RHD: variants seen among roughly 807,000 people sequenced by gnomAD.
RHD encodes the protein blood group Rh(D) polypeptide.
Under a neutral mutation model 45.5 loss-of-function variants are expected in RHD, and 16 were observed. The ratio of observed to expected loss-of-function variants is 0.35; its 90% CI spans 0.24 to 0.53. The LOEUF (loss-of-function observed/expected upper bound fraction) is 0.53, where lower values mean the gene tolerates loss of function less well. Ranked by LOEUF, RHD falls within the 20% of genes least tolerant of loss-of-function variation. The pLI, the probability that RHD is intolerant of heterozygous loss-of-function variation, is 0.92. For synonymous variants in RHD, 131 were observed against 217.5 expected, an observed-to-expected ratio of 0.60 and a Z score of 3.50; for missense variants, 306 against 532.0, an observed-to-expected ratio of 0.58 and a Z score of 4.18.
At chr1:25,306,435 G>A (rs532426292) in intron 6 of RHD, among the ~76,000 whole-genome samples, 161 bp from the exon 7 acceptor site, 12 of 131,742 alleles carry the variant, frequency 9.1e-5, no homozygotes, top group Admixed American at 2.2e-4. Flanking sequence ...CAAACTCCCC[G>A]ATGATGTGAG....
rs1644745451 is a variant in RHD at position 25,322,174 on chromosome 1, G to C, written c.1227+212G>C. On this transcript the variant is annotated intron_variant, in intron 9 of 9. Coordinates refer to ENST00000328664, the MANE Select transcript of RHD (RefSeq NM_016124.6). Reference sequence around the variant, plus strand: ...AGGTGGTAAAGGTCACCATTTCCCTGATACCTCAAATTCATTCAGAGTCAG... The same window carrying C: ...AGGTGGTAAAGGTCACCATTTCCCTCATACCTCAAATTCATTCAGAGTCAG... Among the ~76,000 whole-genome samples the C allele has an allele frequency of 1.5e-5, 2 of 131,470 alleles. 1 individual carries two copies. The allele number at this position is 131,470 out of a possible 152,430, so 86.2% of individuals were successfully genotyped here. A position where few individuals can be genotyped will look rare whatever the true frequency, so the allele number is the denominator to read the frequency against.
At chr1:25,323,467 T>G (rs1416751035) in intron 9 of RHD, among the ~76,000 whole-genome samples, 10 of 120,604 alleles carry the variant, frequency 8.3e-5, no homozygotes, top group African/African-American at 2.9e-4. Flanking sequence ...TTTCTGTAAT[T>G]TTTTTGTTTG....
At position 25,303,615 on chromosome 1, in the gene RHD, G is replaced by A. The variant is rs1293468795; in HGVS notation, c.939+156G>A. On this transcript the variant is annotated intron_variant, in intron 6 of 9. Coordinates refer to ENST00000328664, the MANE Select transcript of RHD (RefSeq NM_016124.6). ...CCTAGTGAGGGATCCATCCTGGCTC[G>A]GTGGCGCATTTGTTAAGATGCTCGG... Among the ~76,000 whole-genome samples the A allele has an allele frequency of 2.6e-4, 34 of 131,150 alleles. 5 individuals are homozygous for A. The highest frequency in any genetic ancestry group is 7.6e-4 in the African/African-American group (29 of 38,068). 86.0% of individuals were successfully genotyped at this position (131,150 alleles called of 152,430 possible). A position where few individuals can be genotyped will look rare whatever the true frequency, so the allele number is the denominator to read the frequency against.
chr1:25,312,523 T>C lies in RHD; in HGVS notation c.1074-4477T>C, dbSNP rs1192004633. ...GATTTGGGAGGTTGAGGTGGGAGGATTGCTTGAGCCCAGGAGCTCAAGACC... is the reference window on the plus strand; with the variant it reads ...GATTTGGGAGGTTGAGGTGGGAGGACTGCTTGAGCCCAGGAGCTCAAGACC... On this transcript the variant is annotated intron_variant, in intron 7 of 9. Transcript: ENST00000328664. Among the ~76,000 whole-genome samples, 6 of 130,514 alleles carry C rather than the reference T, an allele frequency of 4.6e-5. 1 individual carries two copies. Among genetic ancestry groups the C allele is most frequent in the African/African-American group, 1.3e-4 (5 of 38,242 alleles). The allele number at this position is 130,514 out of a possible 152,430, so 85.6% of individuals were successfully genotyped here.
chr1:25,312,920 TAAAAAAAA>T (rs58027687), intron 7 of RHD, among the ~76,000 whole-genome samples: 30 of 6,854 alleles, frequency 4.4e-3, no homozygotes, highest in East Asian at 0.013. Context: ...ATCCCATCTC[TAAAAAAAA>T]AAAAAAAAAA....
chr1:25,321,791 T>G, intron 8 of RHD, 98 bp from the exon 9 acceptor site: 11 of 632,002 alleles, frequency 1.7e-5, no homozygotes, highest in East Asian at 5.2e-5. Flanking sequence ...GGATTTCTGT[T>G]GAGATACTGT....
intron 7 of RHD, among the ~76,000 whole-genome samples, chr1:25,316,488 C>T (rs537070784): frequency 0.02 from 2,431 of 119,422 alleles, 104 homozygotes; most frequent in African/African-American, 0.063. Flanking sequence ...GGTATGGTGG[C>T]GCATGCCTGT....
At position 25,320,910 on chromosome 1, in the gene RHD, A is replaced by T. The variant is rs1221382986; in HGVS notation, c.1154-979A>T. 1.5e-5 allele frequency among the ~76,000 whole-genome samples: 2 copies of T among 131,210 alleles called. 1 individual carries two copies. The highest frequency in any genetic ancestry group is 5.2e-5 in the African/African-American group (2 of 38,582). The allele number at this position is 131,210 out of a possible 152,430, so 86.1% of individuals were successfully genotyped here. On this transcript the variant is annotated intron_variant, in intron 8 of 9. Transcript: ENST00000328664. Reference sequence around the variant, plus strand: ...TACCAAAAACTGAGCTGGATATGGTAGCACACACCTGTGGTCCCAGCTACT... The same window carrying T: ...TACCAAAAACTGAGCTGGATATGGTTGCACACACCTGTGGTCCCAGCTACT...
chr1:25,292,262 T>C (rs1264802447), intron 3 of RHD, among the ~76,000 whole-genome samples: 1 of 130,320 alleles, frequency 7.7e-6, no homozygotes, highest in Non-Finnish European at 1.8e-5. Flanking sequence ...AACTAGGGAG[T>C]GTTGGGCAGA....
intron 7 of RHD, among the ~76,000 whole-genome samples, chr1:25,308,785 T>A (rs984966296): frequency 7.7e-6 from 1 of 129,392 alleles, no homozygotes; most frequent in African/African-American, 2.7e-5. Context: ...ATAGTGACAG[T>A]GATGATCTCT....
chr1:25,309,722 GA>G (rs1644039140), intron 7 of RHD, among the ~76,000 whole-genome samples: 1 of 131,332 alleles, frequency 7.6e-6, no homozygotes, highest in South Asian at 2.3e-4. Flanking sequence ...CAAAACATTG[GA>G]ATTCTTGGTT....
At chr1:25,297,065 A>T (rs1643015935) in intron 3 of RHD, among the ~76,000 whole-genome samples, 3 of 129,590 alleles carry the variant, frequency 2.3e-5, no homozygotes. Flanking sequence ...TCTAGAAAAA[A>T]ATATATATTT....
At chr1:25,287,753 G>T (rs1170900923) in intron 2 of RHD, among the ~76,000 whole-genome samples, 1 of 135,038 alleles carries the variant, frequency 7.4e-6, no homozygotes, top group African/African-American at 2.5e-5. Context: ...ACAGGGTCTT[G>T]CTCTGTTGCC....
intron 1 of RHD, among the ~76,000 whole-genome samples, chr1:25,283,887 T>C (rs534788202): frequency 7.5e-6 from 1 of 134,226 alleles, no homozygotes; most frequent in Non-Finnish European, 1.8e-5. Context: ...TCCGCTTTGC[T>C]GGGCCCCTCC....
intron 7 of RHD, among the ~76,000 whole-genome samples, chr1:25,316,686 G>A (rs1303038522): frequency 8.0e-6 from 1 of 125,244 alleles, no homozygotes; most frequent in Admixed American, 7.8e-5. Flanking sequence ...ACTTGCCCAG[G>A]GTCTTGCAGC....
chr1:25,300,748 C>T lies in RHD; in HGVS notation c.487-198C>T, dbSNP rs866346173. Among the ~76,000 whole-genome samples, 29 of 131,694 alleles carry T rather than the reference C, an allele frequency of 2.2e-4. 8 individuals are homozygous for T. Among genetic ancestry groups the T allele is most frequent in the South Asian group, 7.0e-4 (3 of 4,312 alleles). The allele number at this position is 131,694 out of a possible 152,430, so 86.4% of individuals were successfully genotyped here. On this transcript the variant is annotated intron_variant, in intron 3 of 9. Coordinates refer to ENST00000328664, the MANE Select transcript of RHD (RefSeq NM_016124.6). ...CGCGTGAACCTGGGAGGCAAATGTT[C>T]CAGTGAGCCGAGATCGTGCCATTGC...
chr1:25,274,956 A>G lies in RHD; in HGVS notation c.148+2261A>G, dbSNP rs189634510. 1.1e-4 allele frequency among the ~76,000 whole-genome samples: 15 copies of G among 132,216 alleles called. 3 individuals are homozygous for G. Among genetic ancestry groups the G allele is most frequent in the African/African-American group, 3.1e-4 (12 of 38,878 alleles). The allele number at this position is 132,216 out of a possible 152,430, so 86.7% of individuals were successfully genotyped here. On this transcript the variant is annotated intron_variant, in intron 1 of 9. Transcript: ENST00000328664. ...GAGTGAGACTTCATCTCAAAAAACC[A>G]AACAACAAAAACAACAACAAGAACA...
At chr1:25,304,586 A>G (rs897793872) in intron 6 of RHD, 3 of 129,082 alleles carry the variant, frequency 2.3e-5, no homozygotes, top group Non-Finnish European at 3.6e-5. Context: ...CGACAGAACA[A>G]GACTCTGTCT....
At chr1:25,322,314 A>G (rs1470236613) in intron 9 of RHD, among the ~76,000 whole-genome samples, 1 of 132,298 alleles carries the variant, frequency 7.6e-6, no homozygotes, top group Non-Finnish European at 1.8e-5. Flanking sequence ...GCTGGAAGAA[A>G]CCTCAAGCCT....
Sources: gnomAD v4.1 joint callset for allele counts (sites outside exome capture counted in the v4.1 genomes callset) on GRCh38, gnomAD v4.1.1 for gene constraint, MANE v1.5 for transcripts, NCBI Gene and HGNC (gene_info 2026-07-23, HGNC 2026-07-21) for gene names.